The following FAM149B1 variants were observed in gnomAD, a reference collection of about 807,000 sequenced individuals.
FAM149B1 encodes primary cilium assembly protein FAM149B1.
FAM149B1 carries 56 observed loss-of-function variants against 75.3 expected under a neutral mutation model. The observed-to-expected ratio is 0.74, with a 90% CI of 0.60 to 0.93. The LOEUF is 0.93. Ranked by LOEUF, FAM149B1 falls within the 40% of genes least tolerant of loss-of-function variation. FAM149B1 has a pLI of 0.00. For missense variants in FAM149B1, 639 were observed against 708.4 expected, an observed-to-expected ratio of 0.90 and a Z score of 1.11; for synonymous variants, 259 against 256.1, an observed-to-expected ratio of 1.01 and a Z score of -0.11.
chr10:73,175,181 C>T (rs572684547), intron 2 of FAM149B1, among the ~76,000 whole-genome samples: 2 of 152,112 alleles, frequency 1.3e-5, no homozygotes, highest in South Asian at 4.2e-4. Flanking sequence ...GGCAACATGG[C>T]AAACCCCATC....
chr10:73,201,559 G>T (rs902432821), intron 5 of FAM149B1, among the ~76,000 whole-genome samples: 2 of 152,160 alleles, frequency 1.3e-5, no homozygotes, highest in African/African-American at 4.8e-5. Flanking sequence ...GGGACTAAAA[G>T]ATATAAGTGC....
intron 3 of FAM149B1, 49 bp from the exon 4 acceptor site, chr10:73,192,507 G>A: frequency 6.6e-7 from 1 of 1,513,224 alleles, no homozygotes; most frequent in Middle Eastern, 1.7e-4. Context: ...ATTTTTAACA[G>A]AGAGTGAATC....
chr10:73,210,378 T>C lies in FAM149B1; in HGVS notation c.838T>C (p.Cys280Arg). The change falls in exon 7 of 14, where the codon TGC becomes CGC. Residue 280 changes from cysteine to arginine, a missense_variant. Physicochemically the swap from Cys to Arg is radical, Grantham distance 180 (BLOSUM62 -3). Coordinates refer to ENST00000242505, the MANE Select transcript of FAM149B1 (RefSeq NM_173348.2). ...VLAYVFDSVWCKVVSCMEQLT... is the reference protein window; with the variant it reads ...VLAYVFDSVWRKVVSCMEQLT... ...TGCTTATGTGTTTGACAGTGTATGG[T>C]GCAAGGTTGTGAGCTGTATGGAGCA... 6.4e-7 allele frequency: 1 copy of C among 1,551,594 alleles called. No individual in the cohort carries two copies. Among genetic ancestry groups the C allele is most frequent in the South Asian group, 1.2e-5 (1 of 84,058 alleles).
chr10:73,235,503 C>A (rs986487226), intron 12 of FAM149B1, 185 bp downstream of exon 12: 48 of 1,318,578 alleles, frequency 3.6e-5, no homozygotes, highest in Admixed American at 8.8e-5. Context: ...GATGCCTATT[C>A]TTTAATGCCT....
At chr10:73,230,106 TTTCTC>T (rs1355062491) in intron 8 of FAM149B1, among the ~76,000 whole-genome samples, 1 of 152,164 alleles carries the variant, frequency 6.6e-6, no homozygotes, top group African/African-American at 2.4e-5. Flanking sequence ...GTCTGTGAGT[TTTCTC>T]TTCTATTTTA....
chr10:73,236,272 G>A (rs1230906393), intron 12 of FAM149B1, among the ~76,000 whole-genome samples: 1 of 152,154 alleles, frequency 6.6e-6, no homozygotes, highest in Admixed American at 6.6e-5. Flanking sequence ...GAGGCGAGAA[G>A]TTCAAAATCA....
chr10:73,215,355 T>A (rs61865818), intron 7 of FAM149B1, among the ~76,000 whole-genome samples: 5,456 of 152,092 alleles, frequency 0.036, 150 homozygotes, highest in Non-Finnish European at 0.057. Flanking sequence ...GGTGTAATGT[T>A]AGGTAGTTGT....
chr10:73,173,350 T>G (rs1843797335), intron 1 of FAM149B1, among the ~76,000 whole-genome samples: 1 of 152,198 alleles, frequency 6.6e-6, no homozygotes, highest in South Asian at 2.1e-4. Flanking sequence ...CACTCCTGTG[T>G]GTGTGTATGT....
intron 5 of FAM149B1, chr10:73,200,954 G>C: frequency 2.3e-6 from 1 of 439,334 alleles, no homozygotes. Flanking sequence ...ACTATCATGA[G>C]GGAATTCTGA....
intron 5 of FAM149B1, among the ~76,000 whole-genome samples, chr10:73,201,503 A>G (rs1363329880): frequency 6.6e-6 from 1 of 152,202 alleles, no homozygotes; most frequent in Non-Finnish European, 1.5e-5. Context: ...CTAGTTCTGT[A>G]GAAATGGTAG....
intron 12 of FAM149B1, among the ~76,000 whole-genome samples, chr10:73,237,853 A>T (rs1366920965): frequency 1.3e-5 from 2 of 152,154 alleles, no homozygotes; most frequent in African/African-American, 4.8e-5. Flanking sequence ...CCTCCCAAGT[A>T]GCTGGGATTA....
chr10:73,193,700 T>C, intron 5 of FAM149B1, 107 bp downstream of exon 5: 1 of 1,034,802 alleles, frequency 9.7e-7, no homozygotes, highest in Non-Finnish European at 1.3e-6. Context: ...TATTAGTATT[T>C]AGTAAAGCAT....
chr10:73,228,136 G>T lies in FAM149B1; in HGVS notation c.975G>T (p.Val325=). The change falls in exon 8 of 14, where the codon GTG becomes GTT. Residue 325 remains valine (V), a synonymous_variant. Coordinates refer to ENST00000242505, the MANE Select transcript of FAM149B1 (RefSeq NM_173348.2). The stretch of plus-strand genomic sequence containing the variant: ...TGCTGAGTGAACTACATCCTTTGGT[G>T]TTACCGCGAGTGCCACAGTCTAAGG... ...SCVLSELHPL[V]LPRVPQSKVL... 2.6e-6 allele frequency: 4 copies of T among 1,551,548 alleles called. No homozygotes were observed. Among genetic ancestry groups the T allele is most frequent in the Non-Finnish European group, 3.5e-6 (4 of 1,146,876 alleles).
intron 3 of FAM149B1, among the ~76,000 whole-genome samples, chr10:73,184,181 T>C (rs370299669): frequency 6.6e-6 from 1 of 152,234 alleles, no homozygotes; most frequent in South Asian, 2.1e-4. Context: ...CAAAAACTGC[T>C]TGAATTTGAA....
intron 12 of FAM149B1, among the ~76,000 whole-genome samples, chr10:73,237,809 A>G (rs2043855223): frequency 6.6e-6 from 1 of 151,810 alleles, no homozygotes; most frequent in South Asian, 2.1e-4. Flanking sequence ...CTGCAGCCTC[A>G]AACTCCTGGG....
intron 3 of FAM149B1, among the ~76,000 whole-genome samples, chr10:73,188,652 T>C (rs1589146577): frequency 6.8e-6 from 1 of 147,248 alleles, no homozygotes; most frequent in Admixed American, 6.8e-5. Flanking sequence ...ACCTGGGAGG[T>C]GGAGGTTGCA....
chr10:73,172,799 C>T (rs1288199771), intron 1 of FAM149B1, among the ~76,000 whole-genome samples: 3 of 151,770 alleles, frequency 2.0e-5, no homozygotes, highest in Admixed American at 6.6e-5. Context: ...CAGGTGGTCA[C>T]ATTAAAAAAG....
At chr10:73,217,603 G>T (rs969570425) in intron 7 of FAM149B1, among the ~76,000 whole-genome samples, 4 of 152,188 alleles carry the variant, frequency 2.6e-5, no homozygotes, top group Admixed American at 2.6e-4. Flanking sequence ...TATAGCTGTA[G>T]TATTTATGTC....
At chr10:73,185,058 C>T (rs745382799) in intron 3 of FAM149B1, among the ~76,000 whole-genome samples, 8 of 152,060 alleles carry the variant, frequency 5.3e-5, no homozygotes, top group Non-Finnish European at 1.2e-4. Context: ...CATAACTCAA[C>T]CCTACAGAAA....
Sources: gnomAD v4.1 joint callset for allele counts (sites outside exome capture counted in the v4.1 genomes callset) on GRCh38, gnomAD v4.1.1 for gene constraint, MANE v1.5 for transcripts, NCBI Gene and HGNC (gene_info 2026-07-23, HGNC 2026-07-21) for gene names.